CACNB4: variants seen among roughly 807,000 people sequenced by gnomAD.
CACNB4 encodes the protein voltage-dependent L-type calcium channel subunit beta-4.
Under a neutral mutation model 71.2 loss-of-function variants are expected in CACNB4, and 32 were observed. The observed-to-expected ratio is 0.45, with a 90% CI of 0.34 to 0.60. CACNB4 has a LOEUF of 0.60. CACNB4 is among the 20% of genes least tolerant of loss of function. The probability of loss-of-function intolerance (pLI) is 0.01; values close to 1 mark genes in which losing one functional copy is unlikely to be tolerated. For missense variants in CACNB4, 464 were observed against 647.9 expected (o/e 0.72, Z 3.08); for synonymous variants, 231 against 236.9 (o/e 0.97, Z 0.23).
At chr2:151,995,279 A>G (rs1023926008) in intron 2 of CACNB4, among the ~76,000 whole-genome samples, 5 of 151,974 alleles carry the variant, frequency 3.3e-5, no homozygotes, top group Non-Finnish European at 7.4e-5. Flanking sequence ...GGCCATAACA[A>G]TAAACCACAA....
intron 12 of CACNB4, among the ~76,000 whole-genome samples, chr2:151,845,297 C>T (rs2099837273): frequency 1.3e-5 from 2 of 152,246 alleles, no homozygotes; most frequent in South Asian, 4.1e-4. Flanking sequence ...CTTGAAACTG[C>T]TTTTAGGCTT....
intron 2 of CACNB4, chr2:151,970,340 A>C (rs966317313): frequency 6.6e-6 from 1 of 152,046 alleles, no homozygotes; most frequent in Non-Finnish European, 1.5e-5. Context: ...ATTAACAATG[A>C]CTATTTCTGG....
intron 2 of CACNB4, among the ~76,000 whole-genome samples, chr2:152,039,802 T>C (rs967529559): frequency 5.9e-5 from 9 of 152,290 alleles, no homozygotes; most frequent in Admixed American, 2.6e-4. Flanking sequence ...CTCAGAAACA[T>C]AGTCGAAGGC....
At chr2:152,060,155 G>A (rs1375053064) in intron 2 of CACNB4, among the ~76,000 whole-genome samples, 1 of 152,198 alleles carries the variant, frequency 6.6e-6, no homozygotes, top group African/African-American at 2.4e-5. Flanking sequence ...CTAATACAAT[G>A]TTATATAATT....
chr2:151,913,431 G>A (rs1251341784), intron 2 of CACNB4, among the ~76,000 whole-genome samples: 1 of 152,100 alleles, frequency 6.6e-6, no homozygotes, highest in African/African-American at 2.4e-5. Context: ...ATGAACCTTA[G>A]TTTGGCTGGA....
chr2:152,074,420 C>A (rs1471943352), intron 2 of CACNB4, among the ~76,000 whole-genome samples: 1 of 151,756 alleles, frequency 6.6e-6, no homozygotes, highest in South Asian at 2.1e-4. Flanking sequence ...ACCAGCAGCA[C>A]CACCACCATA....
intron 2 of CACNB4, among the ~76,000 whole-genome samples, chr2:151,957,577 G>A (rs1322673523): frequency 2.6e-5 from 4 of 152,138 alleles, no homozygotes; most frequent in Non-Finnish European, 5.9e-5. Flanking sequence ...ACTAAGTGCT[G>A]TGTGCACTGT....
At chr2:152,070,063 T>C (rs976869793) in intron 2 of CACNB4, among the ~76,000 whole-genome samples, 13 of 152,112 alleles carry the variant, frequency 8.5e-5, no homozygotes, top group Non-Finnish European at 1.9e-4. Flanking sequence ...CAGGATGGTC[T>C]CGATCTCCTG....
chr2:152,009,516 C>T (rs1040839134), intron 2 of CACNB4, among the ~76,000 whole-genome samples: 2 of 152,112 alleles, frequency 1.3e-5, no homozygotes, highest in Non-Finnish European at 2.9e-5. Context: ...GGGGGAAACT[C>T]GGTGCAGGGT....
chr2:151,862,879 T>A (rs112003022), intron 9 of CACNB4, among the ~76,000 whole-genome samples: 253 of 152,214 alleles, frequency 1.7e-3, no homozygotes, highest in African/African-American at 5.8e-3. Flanking sequence ...ATGAGTCAAG[T>A]GGTCAAGCAT....
In CACNB4 at chr2:151,835,444, T is replaced by C. The variant is rs1434952467; in HGVS notation, c.*3675A>G. The C allele has an allele frequency of 2.0e-5, 3 of 151,904 alleles. No homozygotes were observed. The highest frequency in any genetic ancestry group is 4.4e-5 in the Non-Finnish European group (3 of 67,780). The allele number at this position is 151,904 out of a possible 1,614,324, so 9.4% of individuals were successfully genotyped here. ...CTACTTATTGACCAGTGTTTTTCCCTTTAAAGACAGATTGTCTTCTCTAGA... is the reference window on the plus strand; with the variant it reads ...CTACTTATTGACCAGTGTTTTTCCCCTTAAAGACAGATTGTCTTCTCTAGA... On this transcript the variant is annotated 3_prime_UTR_variant, in exon 14 of 14. Transcript: ENST00000539935.
intron 2 of CACNB4, among the ~76,000 whole-genome samples, chr2:151,964,750 G>A (rs2099870615): frequency 6.6e-6 from 1 of 152,166 alleles, no homozygotes; most frequent in South Asian, 2.1e-4. Flanking sequence ...CTAGGAATAT[G>A]CATTATGTTT....
intron 9 of CACNB4, among the ~76,000 whole-genome samples, chr2:151,864,059 T>A (rs2099842454): frequency 6.6e-6 from 1 of 152,302 alleles, no homozygotes; most frequent in South Asian, 2.1e-4. Flanking sequence ...CTTATATACT[T>A]TTTTTAACTT....
intron 2 of CACNB4, among the ~76,000 whole-genome samples, chr2:152,001,912 G>A (rs1682445367): frequency 6.6e-6 from 1 of 152,114 alleles, no homozygotes; most frequent in African/African-American, 2.4e-5. Flanking sequence ...AAAATAGCAG[G>A]GAGGTGCGGG....
intron 13 of CACNB4, 176 bp downstream of exon 13, chr2:151,841,727 T>C: frequency 1.8e-6 from 1 of 545,110 alleles, no homozygotes; most frequent in Non-Finnish European, 3.2e-6. Context: ...TGTCAGTCTC[T>C]GGGTAGTTTT....
chr2:151,933,595 C>T (rs1519714), intron 2 of CACNB4, among the ~76,000 whole-genome samples: 32,337 of 151,988 alleles, frequency 0.21, 3,651 homozygotes, highest in Middle Eastern at 0.41. Context: ...TGGGTCTGAG[C>T]AACATCAAGT....
At chr2:152,018,674 G>A (rs1302885829) in intron 2 of CACNB4, among the ~76,000 whole-genome samples, 1 of 151,976 alleles carries the variant, frequency 6.6e-6, no homozygotes, top group African/African-American at 2.4e-5. Flanking sequence ...GTGGTGGCAA[G>A]CACCTGTAGT....
chr2:152,052,137 A>G (rs1685467816), intron 2 of CACNB4, among the ~76,000 whole-genome samples: 1 of 152,236 alleles, frequency 6.6e-6, no homozygotes, highest in African/African-American at 2.4e-5. Flanking sequence ...CCTACTGAAC[A>G]TCATAGCTTA....
At chr2:151,876,767 T>C (rs939939791) in intron 4 of CACNB4, among the ~76,000 whole-genome samples, 24 of 90,642 alleles carry the variant, frequency 2.6e-4, no homozygotes, top group Admixed American at 1.6e-3. Context: ...GTGTATACTA[T>C]ATTTTATATA....
Sources: gnomAD v4.1 joint callset for allele counts (sites outside exome capture counted in the v4.1 genomes callset) on GRCh38, gnomAD v4.1.1 for gene constraint, MANE v1.5 for transcripts, NCBI Gene and HGNC (gene_info 2026-07-23, HGNC 2026-07-21) for gene names.